Variants in GRIN2A observed in about 807,000 individuals in gnomAD.
The protein encoded by GRIN2A is glutamate receptor ionotropic, NMDA 2A.
In GRIN2A, 22 loss-of-function variants were observed where a neutral mutation model predicts 113.4. The ratio of observed to expected loss-of-function variants is 0.19; its 90% confidence interval spans 0.14 to 0.28. The LOEUF (loss-of-function observed/expected upper bound fraction) is 0.28, where lower values mean the gene tolerates loss of function less well. GRIN2A is among the 10% of genes least tolerant of loss of function. GRIN2A has a pLI of 1.00. For synonymous variants in GRIN2A, 827 were observed against 738.4 expected (o/e 1.12, Z -1.94); for missense variants, 1,502 against 1,887.0 (o/e 0.80, Z 3.78).
At chr16:10,018,484 G>C (rs1192319876) in intron 2 of GRIN2A, among the ~76,000 whole-genome samples, 2 of 152,136 alleles carry the variant, frequency 1.3e-5, no homozygotes, top group African/African-American at 4.8e-5. Flanking sequence ...GCGTGCTAAG[G>C]GGGTGTGGCT....
rs569057069 is a variant in GRIN2A at position 9,757,141 on chromosome 16, G to A, written c.*6008C>T. On this transcript the variant is annotated 3_prime_UTR_variant, in exon 13 of 13. Coordinates refer to ENST00000330684, the MANE Select transcript of GRIN2A (RefSeq NM_001134407.3). ...CTTTTCTTGAGGCACATGTCATAAT[G>A]CAAGGCTGGGAGGAGGCATGATTTG... 5.1e-5 allele frequency: 11 copies of A among 216,840 alleles called. No homozygotes were observed. In the South Asian group the frequency reaches 5.6e-4, roughly 11 times the overall value. 13.4% of individuals were successfully genotyped at this position (216,840 alleles called of 1,614,324 possible).
intron 2 of GRIN2A, among the ~76,000 whole-genome samples, chr16:9,990,109 T>C (rs1457342470): frequency 6.6e-6 from 1 of 152,062 alleles, no homozygotes; most frequent in Admixed American, 6.6e-5. Flanking sequence ...CTATTTACAA[T>C]AGCAAAGACA....
At chr16:10,109,799 A>C (rs2048576578) in intron 2 of GRIN2A, among the ~76,000 whole-genome samples, 1 of 152,148 alleles carries the variant, frequency 6.6e-6, no homozygotes, top group Non-Finnish European at 1.5e-5. Flanking sequence ...CTCATTTTCC[A>C]TGATGTGATT....
intron 2 of GRIN2A, among the ~76,000 whole-genome samples, chr16:10,132,427 C>T (rs574436473): frequency 2.0e-5 from 3 of 150,876 alleles, no homozygotes; most frequent in African/African-American, 4.8e-5. Flanking sequence ...TGGGGCCATG[C>T]AACATGTCTC....
At chr16:9,869,392 C>A (rs2043217450) in intron 4 of GRIN2A, among the ~76,000 whole-genome samples, 1 of 152,130 alleles carries the variant, frequency 6.6e-6, no homozygotes, top group South Asian at 2.1e-4. Flanking sequence ...TAAATCACAC[C>A]AATGCACTCC....
chr16:9,993,807 A>G (rs866003519), intron 2 of GRIN2A, among the ~76,000 whole-genome samples: 1 of 152,138 alleles, frequency 6.6e-6, no homozygotes, highest in Non-Finnish European at 1.5e-5. Context: ...CCAGTCTCCA[A>G]GTCAACAGAG....
chr16:10,148,546 A>G (rs887407670), intron 2 of GRIN2A, among the ~76,000 whole-genome samples: 1 of 152,136 alleles, frequency 6.6e-6, no homozygotes, highest in African/African-American at 2.4e-5. Context: ...ATCTGCTTCC[A>G]CTTGAATGTG....
At chr16:10,098,149 A>T (rs760899012) in intron 2 of GRIN2A, among the ~76,000 whole-genome samples, 2 of 152,256 alleles carry the variant, frequency 1.3e-5, no homozygotes, top group African/African-American at 2.4e-5. Flanking sequence ...GGCTAAGGGC[A>T]TGAACAGATA....
intron 10 of GRIN2A, among the ~76,000 whole-genome samples, chr16:9,816,081 G>T (rs1040118583): frequency 6.6e-6 from 1 of 152,190 alleles, no homozygotes; most frequent in Non-Finnish European, 1.5e-5. Flanking sequence ...ACAAAAAGTA[G>T]AATGGTGGTT....
intron 4 of GRIN2A, among the ~76,000 whole-genome samples, chr16:9,876,496 T>C (rs1053287907): frequency 1.3e-5 from 2 of 152,158 alleles, no homozygotes; most frequent in Non-Finnish European, 2.9e-5. Flanking sequence ...TACACTAGCG[T>C]TGGCCTCCTG....
chr16:10,070,045 C>T (rs1020250897), intron 2 of GRIN2A, among the ~76,000 whole-genome samples: 1 of 152,224 alleles, frequency 6.6e-6, no homozygotes, highest in Non-Finnish European at 1.5e-5. Flanking sequence ...ATGTTCCCCA[C>T]TCCAGCAGCT....
chr16:9,762,897 T>C lies in GRIN2A; in HGVS notation c.*252A>G. The C allele has an allele frequency of 1.8e-6, 1 of 570,158 alleles. No individual in the cohort carries two copies. Among genetic ancestry groups the C allele is most frequent in the Non-Finnish European group, 3.1e-6 (1 of 319,490 alleles). The allele number at this position is 570,158 out of a possible 1,614,324, so 35.3% of individuals were successfully genotyped here. On this transcript the variant is annotated 3_prime_UTR_variant, in exon 13 of 13. Transcript: ENST00000330684. Reference sequence around the variant, plus strand: ...GGCATGTCCCGGAGACTTGCCCTTATGTAGTTAGTTATTTTTGGTTAAGGA... The same window carrying C: ...GGCATGTCCCGGAGACTTGCCCTTACGTAGTTAGTTATTTTTGGTTAAGGA...
At chr16:10,112,432 A>C in intron 2 of GRIN2A, 1 of 748,238 alleles carries the variant, frequency 1.3e-6, no homozygotes, top group Non-Finnish European at 2.5e-6. Flanking sequence ...AAGGTGGCCA[A>C]GTACGCTCAG....
At chr16:9,977,869 CACAAAAAA>C (rs1328922234) in intron 2 of GRIN2A, among the ~76,000 whole-genome samples, 4 of 151,874 alleles carry the variant, frequency 2.6e-5, no homozygotes, top group African/African-American at 9.7e-5. Context: ...TCTACTAATT[CACAAAAAA>C]ATAAAAATAA....
intron 8 of GRIN2A, among the ~76,000 whole-genome samples, chr16:9,833,237 T>A (rs2042528007): frequency 1.3e-5 from 2 of 152,220 alleles, no homozygotes; most frequent in Non-Finnish European, 2.9e-5. Flanking sequence ...ATTTCCTATC[T>A]ACTGATTGTC....
chr16:10,163,136 G>C (rs930389236), intron 2 of GRIN2A, among the ~76,000 whole-genome samples: 1 of 152,162 alleles, frequency 6.6e-6, no homozygotes, highest in South Asian at 2.1e-4. Flanking sequence ...GGAATTGTTT[G>C]GGAATCTCTT....
intron 2 of GRIN2A, among the ~76,000 whole-genome samples, chr16:10,088,838 G>A (rs1193502640): frequency 1.3e-5 from 2 of 152,220 alleles, no homozygotes; most frequent in African/African-American, 4.8e-5. Flanking sequence ...AGATAAGTCA[G>A]CACTCTTGTA....
intron 3 of GRIN2A, among the ~76,000 whole-genome samples, chr16:9,899,366 G>A (rs2043870784): frequency 6.7e-6 from 1 of 149,272 alleles, no homozygotes; most frequent in Admixed American, 6.7e-5. Context: ...CTTGAATCCA[G>A]GAGGTGGAGG....
chr16:9,873,216 G>C (rs1170236745), intron 4 of GRIN2A, among the ~76,000 whole-genome samples: 1 of 152,152 alleles, frequency 6.6e-6, no homozygotes, highest in African/African-American at 2.4e-5. Flanking sequence ...TGAGGGAAGA[G>C]GCTGAAGAGA....
Sources: gnomAD v4.1 joint callset for allele counts (sites outside exome capture counted in the v4.1 genomes callset) on GRCh38, gnomAD v4.1.1 for gene constraint, MANE v1.5 for transcripts, NCBI Gene and HGNC (gene_info 2026-07-23, HGNC 2026-07-21) for gene names.